The following TNR variants were observed in gnomAD, a reference collection of about 807,000 sequenced individuals.
The protein encoded by TNR is tenascin-R.
Under a neutral mutation model 150.4 loss-of-function variants are expected in TNR, and 45 were observed. The observed-to-expected ratio is 0.30, with a 90% CI of 0.24 to 0.38. TNR has a LOEUF of 0.38. TNR is among the 10% of genes least tolerant of loss of function. TNR has a pLI of 1.00. For missense variants in TNR, 1,544 were observed against 1,759.1 expected, an observed-to-expected ratio of 0.88 and a Z score of 2.19; for synonymous variants, 687 against 678.4, an observed-to-expected ratio of 1.01 and a Z score of -0.20.
At chr1:175,685,106 C>G (rs569049211) in intron 1 of TNR, among the ~76,000 whole-genome samples, 1 of 152,250 alleles carries the variant, frequency 6.6e-6, no homozygotes, top group South Asian at 2.1e-4. Flanking sequence ...TCTGGATAGC[C>G]CTTCTCCCTG....
intron 1 of TNR, among the ~76,000 whole-genome samples, chr1:175,547,613 CAAAGAAACAAAGAAAGAAAG>C (rs1660752579): frequency 1.6e-4 from 2 of 12,274 alleles, no homozygotes; most frequent in East Asian, 5.8e-3. Flanking sequence ...AAGAAAGAAA[CAAAGAAACAAAGAAAGAAAG>C]AAAGAGAAAG....
chr1:175,684,768 T>A (rs985076411), intron 1 of TNR, among the ~76,000 whole-genome samples: 1 of 152,188 alleles, frequency 6.6e-6, no homozygotes, highest in South Asian at 2.1e-4. Flanking sequence ...TGCATTTTCC[T>A]TATGGAGGTT....
At chr1:175,482,961 T>C (rs1294141943) in intron 2 of TNR, among the ~76,000 whole-genome samples, 1 of 152,216 alleles carries the variant, frequency 6.6e-6, no homozygotes, top group Non-Finnish European at 1.5e-5. Flanking sequence ...ATTTTGCAGA[T>C]CAAAGTGTGT....
chr1:175,639,864 T>C (rs1664600268), intron 1 of TNR, among the ~76,000 whole-genome samples: 1 of 152,238 alleles, frequency 6.6e-6, no homozygotes, highest in African/African-American at 2.4e-5. Context: ...TTTTGGTCTC[T>C]GTTCAAATGT....
chr1:175,689,871 C>T (rs776102988), intron 1 of TNR, among the ~76,000 whole-genome samples: 11 of 152,162 alleles, frequency 7.2e-5, no homozygotes, highest in East Asian at 1.9e-4. Context: ...CCTGAGGCCT[C>T]GGTTTCCGTT....
Position 175,336,496 on chromosome 1 carries a change from G to A in TNR, c.3535-689C>T, listed in dbSNP as rs552173683. 2.6e-3 allele frequency among the ~76,000 whole-genome samples: 403 copies of A among 152,360 alleles called. 1 individual carries two copies. Among genetic ancestry groups the A allele is most frequent in the Middle Eastern group, 3.4e-3 (1 of 294 alleles). On this transcript the variant is annotated intron_variant, in intron 19 of 22. Transcript: ENST00000367674. ...CGAGAGAGGGCATCCAAAGAAGGGC[G>A]GAGGGGCTGGTTTTCCATCCTAAAG...
chr1:175,351,219 C>T (rs1239825474), intron 18 of TNR, among the ~76,000 whole-genome samples: 1 of 152,124 alleles, frequency 6.6e-6, no homozygotes, highest in Non-Finnish European at 1.5e-5. Context: ...GTCCCCAATC[C>T]CACCTCACCA....
At chr1:175,531,283 C>T (rs558862835) in intron 1 of TNR, among the ~76,000 whole-genome samples, 8 of 152,170 alleles carry the variant, frequency 5.3e-5, no homozygotes, top group African/African-American at 1.4e-4. Context: ...GATATAAACA[C>T]GCATTACCTC....
At chr1:175,713,110 G>A (rs1380334903) in intron 1 of TNR, among the ~76,000 whole-genome samples, 4 of 152,202 alleles carry the variant, frequency 2.6e-5, no homozygotes, top group Admixed American at 6.5e-5. Context: ...AATGCTGGAC[G>A]ATAGGCTGGG....
At chr1:175,609,559 A>G (rs207460648) in intron 1 of TNR, among the ~76,000 whole-genome samples, 4 of 152,184 alleles carry the variant, frequency 2.6e-5, no homozygotes, top group Non-Finnish European at 5.9e-5. Context: ...GTGATATCCA[A>G]GGTGTCATCC....
intron 1 of TNR, among the ~76,000 whole-genome samples, chr1:175,672,581 T>C (rs73035405): frequency 0.012 from 1,845 of 152,340 alleles, 36 homozygotes; most frequent in African/African-American, 0.042. Flanking sequence ...GCAGGCCTTC[T>C]CAGTGAAGAC....
At chr1:175,562,947 T>G (rs1661488458) in intron 1 of TNR, among the ~76,000 whole-genome samples, 2 of 152,176 alleles carry the variant, frequency 1.3e-5, no homozygotes, top group South Asian at 4.1e-4. Flanking sequence ...ATTGGCCAAG[T>G]TCCACGAAGA....
chr1:175,351,081 C>G (rs1248883800), intron 18 of TNR, among the ~76,000 whole-genome samples: 1 of 152,196 alleles, frequency 6.6e-6, no homozygotes, highest in African/African-American at 2.4e-5. Flanking sequence ...GGGAGGCTTC[C>G]AGTGTTTCTC....
chr1:175,594,857 TAAAAA>T (rs1174868287), intron 1 of TNR, among the ~76,000 whole-genome samples: 1 of 103,034 alleles, frequency 9.7e-6, no homozygotes. Context: ...ACCTTGTTTC[TAAAAA>T]AAAAAAAAAA....
chr1:175,712,846 A>C (rs1030349343), intron 1 of TNR, among the ~76,000 whole-genome samples: 5 of 152,166 alleles, frequency 3.3e-5, no homozygotes, highest in African/African-American at 1.2e-4. Context: ...CCTGTAAGCC[A>C]ATTAAATCTC....
At chr1:175,621,663 C>T (rs990717735) in intron 1 of TNR, among the ~76,000 whole-genome samples, 3 of 152,206 alleles carry the variant, frequency 2.0e-5, no homozygotes, top group Admixed American at 6.5e-5. Flanking sequence ...TATTAGCTAC[C>T]TACCCTTCAA....
chr1:175,638,632 A>G lies in TNR; in HGVS notation c.-165+104594T>C, dbSNP rs562479871. On this transcript the variant is annotated intron_variant, in intron 1 of 22. Transcript: ENST00000367674. ...GCACACCAGAATCCTGGGGGAATGG[A>G]AAGTTAGGGTACCAAACTCCTCCAG... Among the ~76,000 whole-genome samples, 3 of 152,278 alleles carry G rather than the reference A, an allele frequency of 2.0e-5. No individual in the cohort carries two copies. The East Asian group carries it at 5.8e-4, about 30-fold the overall frequency.
chr1:175,432,200 G>T (rs925410373), intron 2 of TNR, among the ~76,000 whole-genome samples: 2 of 152,080 alleles, frequency 1.3e-5, no homozygotes, highest in African/African-American at 4.8e-5. Flanking sequence ...TGGCAACATC[G>T]ACCCTTGAGA....
chr1:175,567,129 C>A (rs1450402995), intron 1 of TNR, among the ~76,000 whole-genome samples: 1 of 152,154 alleles, frequency 6.6e-6, no homozygotes, highest in Non-Finnish European at 1.5e-5. Context: ...CCTGTTCAAG[C>A]CTTGGCATGA....
Sources: gnomAD v4.1 joint callset for allele counts (sites outside exome capture counted in the v4.1 genomes callset) on GRCh38, gnomAD v4.1.1 for gene constraint, MANE v1.5 for transcripts, NCBI Gene and HGNC (gene_info 2026-07-23, HGNC 2026-07-21) for gene names.